PCDHGA4: variants seen among roughly 807,000 people sequenced by gnomAD.
PCDHGA4 encodes protocadherin gamma subfamily A, 4, also known as protocadherin gamma-A4.
In PCDHGA4, 38 loss-of-function variants were observed where a neutral mutation model predicts 54.6. That is an observed-to-expected ratio of 0.70 (90% CI 0.54 to 0.91). The LOEUF is 0.91. Among genes scored for constraint, PCDHGA4 ranks in the 40% least tolerant of loss-of-function variants. The pLI is 0.00. For synonymous variants in PCDHGA4, 511 were observed against 512.9 expected (o/e 1.00, Z 0.05); for missense variants, 1,298 against 1,220.9 (o/e 1.06, Z -0.94).
At chr5:141,423,094 C>CGCGTGCGT (rs2096708722) in intron 1 of PCDHGA4, 4 of 1,613,860 alleles carry the variant, frequency 2.5e-6, no homozygotes, top group African/African-American at 2.7e-5. Flanking sequence ...GGTGGGGGAG[C>CGCGTGCGT]ACACGGGCGA....
At chr5:141,481,441 T>C (rs1397908285) in intron 1 of PCDHGA4, among the ~76,000 whole-genome samples, 1 of 152,250 alleles carries the variant, frequency 6.6e-6, no homozygotes, top group East Asian at 1.9e-4. Context: ...ATCAGTTTAG[T>C]ACATGTAAAT....
At chr5:141,392,505 T>G (rs1271878225) in intron 1 of PCDHGA4, 1 of 227,850 alleles carries the variant, frequency 4.4e-6, no homozygotes, top group African/African-American at 2.3e-5. Flanking sequence ...ATGATTTTTT[T>G]TTCTCAGTAA....
At position 141,490,632 on chromosome 5, in the gene PCDHGA4, A is replaced by C; in HGVS notation, c.2515-4175A>C. Reference sequence around the variant, plus strand: ...AGCAGCTTTACACTGCTTACATCCTAGAAAACCGGCCTCCGGGCTCCCTTC... The same window carrying C: ...AGCAGCTTTACACTGCTTACATCCTCGAAAACCGGCCTCCGGGCTCCCTTC... On this transcript the variant is annotated intron_variant, in intron 1 of 3. Transcript: ENST00000571252. This position sits in a 1 kb window ranked among gnomAD's most constrained non-coding sequence, Gnocchi z 5.4. The C allele has an allele frequency of 1.2e-6, 2 of 1,614,196 alleles. No individual in the cohort carries two copies. Among genetic ancestry groups the C allele is most frequent in the South Asian group, 1.1e-5 (1 of 91,088 alleles).
At chr5:141,375,144 G>A (rs747224962) in intron 1 of PCDHGA4, 3 of 1,613,936 alleles carry the variant, frequency 1.9e-6, no homozygotes, top group Non-Finnish European at 2.5e-6. Flanking sequence ...TCTGGAAGCA[G>A]AACAATTGCT....
At chr5:141,510,682 GA>G (rs1303501817) in intron 3 of PCDHGA4, among the ~76,000 whole-genome samples, 6 of 152,154 alleles carry the variant, frequency 3.9e-5, no homozygotes, top group Non-Finnish European at 8.8e-5. Flanking sequence ...GTGGCATAAG[GA>G]GGTTAGGTAG....
chr5:141,427,936 G>A, intron 1 of PCDHGA4: 1 of 1,584,966 alleles, frequency 6.3e-7, no homozygotes, highest in Admixed American at 1.7e-5. Context: ...ATGTTGGTGG[G>A]CGACCTCAAT....
In PCDHGA4 at chr5:141,421,687, G is replaced by C. The variant is rs763146085; in HGVS notation, c.2514+64066G>C. On this transcript the variant is annotated intron_variant, in intron 1 of 3. Coordinates refer to ENST00000571252, the MANE Select transcript of PCDHGA4 (RefSeq NM_018917.4). ...GCACGCAATTCCTGGGGCGCGATTT[G>C]CTCTTCCTAATGCTAGGGATCCAGA... 1.3e-5 allele frequency: 21 copies of C among 1,613,788 alleles called. No individual in the cohort carries two copies. Among genetic ancestry groups the C allele is most frequent in the Non-Finnish European group, 1.8e-5 (21 of 1,179,860 alleles).
At position 141,408,728 on chromosome 5, in the gene PCDHGA4, C is replaced by T. The variant is rs371316574; in HGVS notation, c.2514+51107C>T. ...TAAAGATTATAAGATAAACTCTAAT[C>T]CTTATTTTTCATTAATGGTTAGAGT... On this transcript the variant is annotated intron_variant, in intron 1 of 3. Transcript: ENST00000571252. 6.2e-7 allele frequency: 1 copy of T among 1,610,292 alleles called. No homozygotes were observed. Among genetic ancestry groups the T allele is most frequent in the African/African-American group, 1.3e-5 (1 of 74,802 alleles).
At chr5:141,413,058 C>G (rs2095601249) in intron 1 of PCDHGA4, 1 of 1,073,304 alleles carries the variant, frequency 9.3e-7, no homozygotes, top group Non-Finnish European at 1.3e-6. Context: ...AAGCTCACTC[C>G]AGAATTTAAA....
Position 141,487,535 on chromosome 5 carries a change from G to A in PCDHGA4, c.2515-7272G>A. 6.2e-7 allele frequency: 1 copy of A among 1,614,154 alleles called. No individual in the cohort carries two copies. Among genetic ancestry groups the A allele is most frequent in the South Asian group, 1.1e-5 (1 of 91,084 alleles). ...CACTCGGAGTGATAGCTTCATGATG[G>A]TGAAGTCACCCAGTGCACCTATGGC... On this transcript the variant is annotated intron_variant, in intron 1 of 3. Transcript: ENST00000571252. This position sits in a 1 kb window ranked among gnomAD's most constrained non-coding sequence, Gnocchi z 5.0.
chr5:141,417,782 C>T (rs2096161767), intron 1 of PCDHGA4: 1 of 1,473,310 alleles, frequency 6.8e-7, no homozygotes, highest in Non-Finnish European at 9.0e-7. Flanking sequence ...CTGTCCTGGG[C>T]CGAATGCTCT....
At position 141,355,718 on chromosome 5, in the gene PCDHGA4, A is replaced by C; in HGVS notation, c.611A>C (p.Asn204Thr). 2 of 1,613,990 alleles carry C rather than the reference A, an allele frequency of 1.2e-6. No homozygotes were observed. Among genetic ancestry groups the C allele is most frequent in the South Asian group, 1.1e-5 (1 of 91,082 alleles). The change falls in exon 1 of 4, where the codon AAC (asparagine) becomes ACC (threonine). Residue 204 changes from asparagine to threonine, a missense_variant. Asn to Thr is a moderately conservative substitution (Grantham distance 65, BLOSUM62 0). Coordinates refer to ENST00000571252, the MANE Select transcript of PCDHGA4 (RefSeq NM_018917.4). ...GVNSLQGYQL[N>T]SNGYFSLDVQ... ...AACTCCCTGCAGGGTTACCAGCTCA[A>C]CTCAAACGGTTACTTTTCCCTGGAC...
chr5:141,452,749 G>A (rs1453824335), intron 1 of PCDHGA4, among the ~76,000 whole-genome samples: 1 of 152,052 alleles, frequency 6.6e-6, no homozygotes, highest in African/African-American at 2.4e-5. Flanking sequence ...AGAGAAGGAA[G>A]AAGGAAGGGA....
chr5:141,394,536 G>A lies in PCDHGA4; in HGVS notation c.2514+36915G>A. The A allele has an allele frequency of 1.2e-6, 2 of 1,614,188 alleles. No individual in the cohort carries two copies. Among genetic ancestry groups the A allele is most frequent in the Middle Eastern group, 1.7e-4 (1 of 6,058 alleles). Reference sequence around the variant, plus strand: ...CCTCCCCACAGACGGTTCCACTGGCGTGGAGCTGGCGCCCCGCTCCGCAGA... The same window carrying A: ...CCTCCCCACAGACGGTTCCACTGGCATGGAGCTGGCGCCCCGCTCCGCAGA... On this transcript the variant is annotated intron_variant, in intron 1 of 3. Transcript: ENST00000571252.
intron 1 of PCDHGA4, among the ~76,000 whole-genome samples, chr5:141,382,171 G>T (rs1325332399): frequency 6.6e-6 from 1 of 151,984 alleles, no homozygotes; most frequent in African/African-American, 2.4e-5. Flanking sequence ...GTGTTAGACC[G>T]TCTCTAAGGT....
intron 1 of PCDHGA4, among the ~76,000 whole-genome samples, chr5:141,469,449 C>A (rs1017174114): frequency 2.0e-5 from 3 of 151,846 alleles, no homozygotes; most frequent in African/African-American, 7.3e-5. Context: ...GTGGTGCACA[C>A]CTGTAGTCTC....
chr5:141,407,977 G>A (rs943554200), intron 1 of PCDHGA4: 7 of 747,538 alleles, frequency 9.4e-6, no homozygotes, highest in African/African-American at 8.8e-5. Context: ...TGACGCCGGG[G>A]ATCCGTCAGC....
intron 1 of PCDHGA4, chr5:141,361,756 G>A (rs1588567192): frequency 6.2e-7 from 1 of 1,613,066 alleles, no homozygotes; most frequent in Non-Finnish European, 8.5e-7. Flanking sequence ...GGGCTCGCCC[G>A]CGCTCAGCGC....
chr5:141,481,868 C>A (rs983373194), intron 1 of PCDHGA4, among the ~76,000 whole-genome samples: 4 of 147,412 alleles, frequency 2.7e-5, no homozygotes, highest in African/African-American at 1.0e-4. Flanking sequence ...GAGCCGAGAT[C>A]GCGCCACTGC....
Sources: allele counts gnomAD v4.1 joint callset (sites outside exome capture counted in the v4.1 genomes callset), GRCh38; gene constraint gnomAD v4.1.1; non-coding constraint Gnocchi (gnomAD v3.1); transcripts MANE v1.5; gene names NCBI Gene and HGNC (gene_info 2026-07-23, HGNC 2026-07-21).